The following BTLA variants were observed in gnomAD, a reference collection of about 807,000 sequenced individuals.
BTLA encodes B and T lymphocyte associated, also known as B- and T-lymphocyte attenuator.
A neutral mutation model predicts 25.0 loss-of-function variants in BTLA; 11 were observed. The observed-to-expected ratio is 0.44, with a 90% CI of 0.28 to 0.73. BTLA has a LOEUF of 0.73. Ranked by LOEUF, BTLA falls within the 30% of genes least tolerant of loss-of-function variation. BTLA has a pLI of 0.15. For missense variants in BTLA, 282 were observed against 332.8 expected, an observed-to-expected ratio of 0.85 and a Z score of 1.19; for synonymous variants, 104 against 119.8, an observed-to-expected ratio of 0.87 and a Z score of 0.86.
chr3:112,477,767 A>T (rs940078133), intron 2 of BTLA, among the ~76,000 whole-genome samples: 1 of 152,062 alleles, frequency 6.6e-6, no homozygotes, highest in African/African-American at 2.4e-5. Context: ...TAGCTCTTCT[A>T]CTTAAATGTC....
intron 1 of BTLA, among the ~76,000 whole-genome samples, chr3:112,485,694 C>T (rs1473549021): frequency 6.6e-6 from 1 of 152,178 alleles, no homozygotes; most frequent in Non-Finnish European, 1.5e-5. Flanking sequence ...TCCCAAGTAG[C>T]CGGAACCATC....
intron 1 of BTLA, among the ~76,000 whole-genome samples, chr3:112,487,520 G>T (rs1413975296): frequency 6.6e-6 from 1 of 152,092 alleles, no homozygotes; most frequent in Non-Finnish European, 1.5e-5. Context: ...AGGAGGCGGA[G>T]GTTGCGGTGA....
chr3:112,494,174 G>T (rs9756562), intron 1 of BTLA, among the ~76,000 whole-genome samples: 3 of 152,006 alleles, frequency 2.0e-5, no homozygotes, highest in South Asian at 2.1e-4. Context: ...CATCACTGAT[G>T]GTCAGAGAAA....
At chr3:112,498,358 G>A (rs766382058) in intron 1 of BTLA, among the ~76,000 whole-genome samples, 3 of 152,028 alleles carry the variant, frequency 2.0e-5, no homozygotes, top group Non-Finnish European at 4.4e-5. Context: ...GATTGAACCC[G>A]GGAGGCAGAG....
At chr3:112,484,087 T>C (rs1249437751) in intron 1 of BTLA, among the ~76,000 whole-genome samples, 2 of 152,110 alleles carry the variant, frequency 1.3e-5, no homozygotes, top group Non-Finnish European at 2.9e-5. Context: ...GAGTAGCCCT[T>C]TGGCAATCAG....
At chr3:112,469,171 A>G (rs1330287656) in intron 4 of BTLA, among the ~76,000 whole-genome samples, 3 of 152,184 alleles carry the variant, frequency 2.0e-5, no homozygotes, top group Admixed American at 2.0e-4. Flanking sequence ...TCCAAACCTT[A>G]TAGGAAAGAT....
At chr3:112,498,851 T>C (rs182450734) in intron 1 of BTLA, among the ~76,000 whole-genome samples, 1 of 152,274 alleles carries the variant, frequency 6.6e-6, no homozygotes, top group Admixed American at 6.5e-5. Context: ...ATAATTCCGA[T>C]TATCCAACAA....
chr3:112,468,056 G>A (rs2082239776), intron 4 of BTLA, among the ~76,000 whole-genome samples: 1 of 152,230 alleles, frequency 6.6e-6, no homozygotes, highest in South Asian at 2.1e-4. Context: ...CAAGGCCAAT[G>A]CACCACAATG....
intron 1 of BTLA, among the ~76,000 whole-genome samples, chr3:112,486,413 T>C (rs937316465): frequency 2.0e-5 from 3 of 151,962 alleles, no homozygotes; most frequent in Non-Finnish European, 4.4e-5. Flanking sequence ...AGACAATGAA[T>C]ATTTTCTTGT....
chr3:112,485,724 C>T (rs2082343333), intron 1 of BTLA, among the ~76,000 whole-genome samples: 1 of 152,090 alleles, frequency 6.6e-6, no homozygotes, highest in Non-Finnish European at 1.5e-5. Flanking sequence ...TATTCCTGCT[C>T]TTATTATCTC....
At chr3:112,467,159 A>T (rs1305689262) in intron 4 of BTLA, among the ~76,000 whole-genome samples, 1 of 151,812 alleles carries the variant, frequency 6.6e-6, no homozygotes, top group African/African-American at 2.4e-5. Context: ...ACGGGGTTTC[A>T]CCATTTTAGC....
intron 1 of BTLA, among the ~76,000 whole-genome samples, chr3:112,491,701 G>A (rs150686909): frequency 1.3e-5 from 2 of 152,280 alleles, no homozygotes; most frequent in Admixed American, 1.3e-4. Flanking sequence ...ATATTATTAT[G>A]TTTTCTGATA....
At position 112,464,034 on chromosome 3, in the gene BTLA, A is replaced by T. The variant is rs2082211437; in HGVS notation, c.*2074T>A. On this transcript the variant is annotated 3_prime_UTR_variant, in exon 5 of 5. Transcript: ENST00000334529. ...ACAATCACAAGCTTAAAATTTGTGA[A>T]AAACCATTAAATTATCTACATATTC... 1 of 396,802 alleles carries T rather than the reference A, an allele frequency of 2.5e-6. No individual in the cohort carries two copies. Among genetic ancestry groups the T allele is most frequent in the Non-Finnish European group, 4.4e-6 (1 of 224,910 alleles). The allele number at this position is 396,802 out of a possible 1,614,324, so 24.6% of individuals were successfully genotyped here. A position where few individuals can be genotyped will look rare whatever the true frequency, so the allele number is the denominator to read the frequency against.
intron 1 of BTLA, among the ~76,000 whole-genome samples, chr3:112,495,734 C>T (rs958230336): frequency 6.6e-6 from 1 of 152,140 alleles, no homozygotes; most frequent in Non-Finnish European, 1.5e-5. Flanking sequence ...TAGAAATATG[C>T]CTTATAAAGA....
At chr3:112,497,734 C>T (rs1231818105) in intron 1 of BTLA, among the ~76,000 whole-genome samples, 1 of 151,994 alleles carries the variant, frequency 6.6e-6, no homozygotes, top group Non-Finnish European at 1.5e-5. Flanking sequence ...GGTTGTGTGG[C>T]ATCCTGGCAT....
Position 112,479,736 on chromosome 3 carries a change from T to C in BTLA, c.122A>G (p.Lys41Arg), listed in dbSNP as rs1264039276. Residue 41 changes from lysine to arginine, a missense_variant, in exon 2 of 5, where the codon AAG becomes AGG. By Grantham distance (26) the Lys-to-Arg change is conservative (BLOSUM62 2). Coordinates refer to ENST00000334529, the MANE Select transcript of BTLA (RefSeq NM_181780.4). ...TAAGATGGAGTGTTCAGATTGTCTC[T>C]TTATATAAAGCTGTACATCACATGA... Reference protein sequence around the residue: ...KESCDVQLYIKRQSEHSILAG... With the variant: ...KESCDVQLYIRRQSEHSILAG... 1.2e-6 allele frequency: 2 copies of C among 1,612,730 alleles called. No homozygotes were observed. The highest frequency in any genetic ancestry group is 2.2e-5 in the South Asian group (2 of 90,878).
intron 2 of BTLA, among the ~76,000 whole-genome samples, chr3:112,473,770 G>A (rs1216414958): frequency 2.0e-5 from 3 of 151,378 alleles, no homozygotes; most frequent in Admixed American, 2.0e-4. Flanking sequence ...GCCTCCCACC[G>A]TGCCCAGTTT....
At chr3:112,471,442 G>A (rs983880296) in intron 2 of BTLA, 87 bp from the exon 3 acceptor site, 1 of 1,405,026 alleles carries the variant, frequency 7.1e-7, no homozygotes, top group Non-Finnish European at 9.6e-7. Context: ...CAGAACTTGA[G>A]TGAAGGAGAT....
intron 1 of BTLA, among the ~76,000 whole-genome samples, chr3:112,482,764 C>A (rs935949375): frequency 3.3e-5 from 5 of 151,956 alleles, no homozygotes; most frequent in African/African-American, 1.2e-4. Context: ...AAAATGAAAC[C>A]AAACTGAAAG....
Sources: gnomAD v4.1 joint callset for allele counts (sites outside exome capture counted in the v4.1 genomes callset) on GRCh38, gnomAD v4.1.1 for gene constraint, MANE v1.5 for transcripts, NCBI Gene and HGNC (gene_info 2026-07-23, HGNC 2026-07-21) for gene names.